The following FOXN3 variants were observed in gnomAD, a reference collection of about 807,000 sequenced individuals.
The protein encoded by FOXN3 is forkhead box protein N3.
A neutral mutation model predicts 38.4 loss-of-function variants in FOXN3; 7 were observed. The ratio of observed to expected loss-of-function variants is 0.18; its 90% CI spans 0.10 to 0.34. The LOEUF (loss-of-function observed/expected upper bound fraction) is 0.34. FOXN3 is among the 10% of genes least tolerant of loss of function. The probability of loss-of-function intolerance (pLI) is 1.00; values close to 1 mark genes in which losing one functional copy is unlikely to be tolerated. For synonymous variants in FOXN3, 230 were observed against 242.2 expected (o/e 0.95, Z 0.47); for missense variants, 456 against 613.4 (o/e 0.74, Z 2.71).
chr14:89,520,297 A>T (rs1040329481), intron 1 of FOXN3, among the ~76,000 whole-genome samples: 1 of 151,946 alleles, frequency 6.6e-6, no homozygotes, highest in Non-Finnish European at 1.5e-5. Flanking sequence ...AGTTGGCGCG[A>T]TCACAGCTCG....
chr14:89,489,944 C>T (rs573520925), intron 1 of FOXN3, among the ~76,000 whole-genome samples: 146 of 152,330 alleles, frequency 9.6e-4, no homozygotes, highest in Admixed American at 1.4e-3. Flanking sequence ...TTCTCAGATC[C>T]TCATGGACTC....
intron 1 of FOXN3, among the ~76,000 whole-genome samples, chr14:89,527,030 A>G (rs411986): frequency 0.39 from 58,612 of 150,286 alleles, 11,815 homozygotes; most frequent in East Asian, 0.61. Flanking sequence ...TATTGAGGAC[A>G]GGAAAGGAGG....
intron 4 of FOXN3, among the ~76,000 whole-genome samples, chr14:89,267,892 A>C (rs535875445): frequency 6.6e-6 from 1 of 152,300 alleles, no homozygotes; most frequent in Admixed American, 6.5e-5. Context: ...CATTGGTTGG[A>C]CATGTGAGTC....
intron 2 of FOXN3, among the ~76,000 whole-genome samples, chr14:89,410,182 G>A (rs1377745906): frequency 6.7e-6 from 1 of 149,928 alleles, no homozygotes; most frequent in African/African-American, 2.5e-5. Context: ...GGAGCAATAC[G>A]GTTGGCCACT....
At chr14:89,545,711 T>C (rs962531670) in intron 1 of FOXN3, among the ~76,000 whole-genome samples, 1 of 152,146 alleles carries the variant, frequency 6.6e-6, no homozygotes, top group Non-Finnish European at 1.5e-5. Context: ...AGTTGTTAAT[T>C]TTAATATGAA....
chr14:89,219,834 T>C (rs756054221), intron 4 of FOXN3, among the ~76,000 whole-genome samples: 18 of 152,318 alleles, frequency 1.2e-4, no homozygotes, highest in Non-Finnish European at 1.9e-4. Flanking sequence ...ATTTGACCAA[T>C]AGGATATGTA....
chr14:89,186,191 G>A (rs1049116057), intron 4 of FOXN3, among the ~76,000 whole-genome samples: 1 of 152,164 alleles, frequency 6.6e-6, no homozygotes, highest in African/African-American at 2.4e-5. Flanking sequence ...TGGGGAGGGG[G>A]CTGGCACGGG....
intron 1 of FOXN3, among the ~76,000 whole-genome samples, chr14:89,602,418 T>C (rs765794179): frequency 2.5e-4 from 38 of 152,274 alleles, no homozygotes; most frequent in Non-Finnish European, 4.7e-4. Flanking sequence ...ACAAGAACAT[T>C]TTCAGGCATT....
intron 1 of FOXN3, among the ~76,000 whole-genome samples, chr14:89,531,887 G>T (rs1894578623): frequency 6.6e-6 from 1 of 152,114 alleles, no homozygotes; most frequent in South Asian, 2.1e-4. Context: ...TCAGCTCACC[G>T]CAACCTCCAC....
intron 2 of FOXN3, among the ~76,000 whole-genome samples, chr14:89,405,601 G>T (rs1891367405): frequency 6.6e-6 from 1 of 152,186 alleles, no homozygotes; most frequent in Non-Finnish European, 1.5e-5. Flanking sequence ...GAGGCAGGGG[G>T]CTCAGGATGG....
chr14:89,223,170 A>G (rs1297595600), intron 4 of FOXN3: 1 of 152,240 alleles, frequency 6.6e-6, no homozygotes, highest in Non-Finnish European at 1.5e-5. Flanking sequence ...ACTGAGGCAC[A>G]AGTTGAGTTG....
intron 1 of FOXN3, among the ~76,000 whole-genome samples, chr14:89,505,568 C>G (rs1207329241): frequency 5.9e-5 from 9 of 152,192 alleles, no homozygotes; most frequent in Admixed American, 2.0e-4. Flanking sequence ...GAGTTGCGTT[C>G]ACTCAGTGCT....
At chr14:89,542,357 C>T (rs1015016348) in intron 1 of FOXN3, among the ~76,000 whole-genome samples, 3 of 152,202 alleles carry the variant, frequency 2.0e-5, no homozygotes, top group Non-Finnish European at 4.4e-5. Flanking sequence ...TAACCGTAAA[C>T]ATCTAGAGGC....
chr14:89,216,254 C>T (rs898779326), intron 4 of FOXN3, among the ~76,000 whole-genome samples: 10 of 152,052 alleles, frequency 6.6e-5, no homozygotes, highest in African/African-American at 2.2e-4. Context: ...ATGCTCTAAT[C>T]GGGTACAAAC....
At chr14:89,558,796 C>A (rs1443991166) in intron 1 of FOXN3, among the ~76,000 whole-genome samples, 4 of 152,160 alleles carry the variant, frequency 2.6e-5, no homozygotes, top group African/African-American at 9.7e-5. Context: ...ATTGCCCCAG[C>A]TGCCGTAGGC....
intron 1 of FOXN3, among the ~76,000 whole-genome samples, chr14:89,604,255 A>ACG (rs10618382): frequency 3.8e-4 from 57 of 151,266 alleles, no homozygotes; most frequent in Admixed American, 1.3e-3. Flanking sequence ...GCGCACACAC[A>ACG]CGCGCGCGCA....
At position 89,180,743 on chromosome 14, in the gene FOXN3, C is replaced by A. The variant is rs149077517; in HGVS notation, c.809G>T (p.Arg270Leu). ...CCCAATGGGAGTGATTGGCAGCGGC[C>A]GCACGCCAGGAAACAGCCCTCGGCT... ...VLSRGLFPGV[R>L]PLPITPIGVT... The change falls in exon 5 of 6, where the codon CGG becomes CTG. Residue 270 changes from arginine to leucine, a missense_variant. Physicochemically the swap from Arg to Leu is moderately radical, Grantham distance 102. Transcript: ENST00000557258. The A allele has an allele frequency of 1.2e-6, 2 of 1,612,274 alleles. No homozygotes were observed. Among genetic ancestry groups the A allele is most frequent in the Non-Finnish European group, 1.7e-6 (2 of 1,179,276 alleles).
intron 4 of FOXN3, among the ~76,000 whole-genome samples, chr14:89,217,153 G>GAA (rs1884310935): frequency 6.6e-6 from 1 of 152,096 alleles, no homozygotes; most frequent in South Asian, 2.1e-4. Context: ...GTTCGTTTTT[G>GAA]AGACAGGGTC....
At chr14:89,534,816 GTC>G (rs1332167981) in intron 1 of FOXN3, among the ~76,000 whole-genome samples, 2 of 152,132 alleles carry the variant, frequency 1.3e-5, no homozygotes, top group Non-Finnish European at 2.9e-5. Flanking sequence ...CCTCTACCAA[GTC>G]TCCCTCTGAT....
Sources: gnomAD v4.1 joint callset for allele counts (sites outside exome capture counted in the v4.1 genomes callset) on GRCh38, gnomAD v4.1.1 for gene constraint, MANE v1.5 for transcripts, NCBI Gene and HGNC (gene_info 2026-07-23, HGNC 2026-07-21) for gene names.